The following THSD7A variants were observed in gnomAD, a reference collection of about 807,000 sequenced individuals.
THSD7A encodes thrombospondin type-1 domain-containing protein 7A.
A neutral mutation model predicts 231.3 loss-of-function variants in THSD7A; 96 were observed. The observed-to-expected ratio is 0.41, with a 90% CI of 0.35 to 0.49. THSD7A has a LOEUF of 0.49. THSD7A is among the 20% of genes least tolerant of loss of function. THSD7A has a pLI of 0.05. For synonymous variants in THSD7A, 940 were observed against 743.3 expected (o/e 1.26, Z -4.30); for missense variants, 2,290 against 2,070.2 (o/e 1.11, Z -2.06).
At chr7:11,574,912 T>A (rs937600495) in intron 4 of THSD7A, among the ~76,000 whole-genome samples, 3 of 152,162 alleles carry the variant, frequency 2.0e-5, no homozygotes, top group Non-Finnish European at 4.4e-5. Flanking sequence ...GGCTTACAAG[T>A]AGTAACCCTA....
chr7:11,419,301 T>A (rs974262254), intron 16 of THSD7A, among the ~76,000 whole-genome samples: 6 of 152,194 alleles, frequency 3.9e-5, no homozygotes, highest in Non-Finnish European at 7.3e-5. Flanking sequence ...CACTGGATCA[T>A]GGGGGCAGAT....
chr7:11,779,324 C>T (rs1783548229), intron 1 of THSD7A, among the ~76,000 whole-genome samples: 2 of 152,152 alleles, frequency 1.3e-5, no homozygotes, highest in Admixed American at 6.5e-5. Context: ...CTCTTCCTTT[C>T]ATTCACCTTA....
At position 11,371,765 on chromosome 7, in the gene THSD7A, G is replaced by A. The variant is rs955071119; in HGVS notation, c.*4029C>T. 2 of 122,902 alleles carry A rather than the reference G, an allele frequency of 1.6e-5. No individual in the cohort carries two copies. The highest frequency in any genetic ancestry group is 6.3e-5 in the African/African-American group (2 of 31,928). The allele number at this position is 122,902 out of a possible 1,614,324, so 7.6% of individuals were successfully genotyped here. On this transcript the variant is annotated 3_prime_UTR_variant, in exon 28 of 28. Coordinates refer to ENST00000423059, the MANE Select transcript of THSD7A (RefSeq NM_015204.3). ...GGGCTTTTTTTTTTTTTTTTTTCCT[G>A]CATGCCTTCCACATTTTTCCTTTTC...
intron 1 of THSD7A, among the ~76,000 whole-genome samples, chr7:11,701,919 AT>A: frequency 6.6e-6 from 1 of 151,066 alleles, no homozygotes; most frequent in Non-Finnish European, 1.5e-5. Context: ...TAGGACAGGA[AT>A]ATGCCTGAGC....
In THSD7A at chr7:11,424,689, G is replaced by C; in HGVS notation, c.3383+7C>G. On this transcript the variant is annotated splice_region_variant and intron_variant, in intron 16 of 27. Coordinates refer to ENST00000423059, the MANE Select transcript of THSD7A (RefSeq NM_015204.3). ...TTGCTTTTCTGTATAATTAGGCTTT[G>C]TCTTACCTCACTTTTCGGGTTTGCA... 5 of 1,613,882 alleles carry C rather than the reference G, an allele frequency of 3.1e-6. No individual in the cohort carries two copies. The highest frequency in any genetic ancestry group is 4.2e-6 in the Non-Finnish European group (5 of 1,179,830).
intron 1 of THSD7A, among the ~76,000 whole-genome samples, chr7:11,640,516 G>T (rs1782040140): frequency 6.6e-6 from 1 of 152,042 alleles, no homozygotes; most frequent in Non-Finnish European, 1.5e-5. Context: ...GTGTAACCTT[G>T]AGAACCTCTA....
intron 13 of THSD7A, among the ~76,000 whole-genome samples, chr7:11,433,367 G>C (rs906668563): frequency 4.0e-5 from 6 of 151,812 alleles, no homozygotes; most frequent in Non-Finnish European, 7.4e-5. Context: ...TCTTATTTTA[G>C]GGCCAGTAAT....
intron 13 of THSD7A, among the ~76,000 whole-genome samples, chr7:11,442,117 A>T (rs1331920074): frequency 1.3e-5 from 2 of 152,064 alleles, no homozygotes; most frequent in Non-Finnish European, 2.9e-5. Context: ...TTTATATATC[A>T]TTTGTGCAGT....
intron 1 of THSD7A, among the ~76,000 whole-genome samples, chr7:11,787,010 T>C (rs1783815004): frequency 6.6e-6 from 1 of 152,046 alleles, no homozygotes; most frequent in African/African-American, 2.4e-5. Flanking sequence ...TTACCAACAT[T>C]TAAGCATTAA....
At position 11,447,483 on chromosome 7, in the gene THSD7A, T is replaced by G. The variant is rs935809305; in HGVS notation, c.2606-59A>C. The G allele has an allele frequency of 2.2e-6, 3 of 1,374,316 alleles. No individual in the cohort carries two copies. In the African/African-American group the frequency reaches 4.5e-5, roughly 20 times the overall value. 85.1% of individuals were successfully genotyped at this position (1,374,316 alleles called of 1,614,324 possible). On this transcript the variant is annotated intron_variant, in intron 11 of 27. Transcript: ENST00000423059. ...TCAAACGTCTAATTACTCTATAATT[T>G]AGAAGCTAACCTAACATTTGGTTAA...
chr7:11,420,168 G>T (rs1784096763), intron 16 of THSD7A, among the ~76,000 whole-genome samples: 1 of 152,216 alleles, frequency 6.6e-6, no homozygotes, highest in Admixed American at 6.5e-5. Flanking sequence ...ATTTGCATAA[G>T]TAAAGAGGAG....
intron 8 of THSD7A, among the ~76,000 whole-genome samples, chr7:11,472,978 T>C (rs1785998583): frequency 2.6e-5 from 4 of 152,206 alleles, no homozygotes; most frequent in Admixed American, 2.6e-4. Context: ...CACTTTTGAA[T>C]TTTAATACAC....
At chr7:11,763,974 C>T (rs1782947756) in intron 1 of THSD7A, among the ~76,000 whole-genome samples, 1 of 152,184 alleles carries the variant, frequency 6.6e-6, no homozygotes. Flanking sequence ...AGAACTCAAA[C>T]TGTTTGATCA....
At chr7:11,673,389 C>G (rs572513140) in intron 1 of THSD7A, among the ~76,000 whole-genome samples, 18 of 152,164 alleles carry the variant, frequency 1.2e-4, no homozygotes, top group African/African-American at 4.3e-4. Context: ...GCAACTATAG[C>G]AAAACACAAC....
chr7:11,820,176 C>T (rs1223372048), intron 1 of THSD7A: 2 of 301,786 alleles, frequency 6.6e-6, no homozygotes, highest in Non-Finnish European at 6.2e-6. Flanking sequence ...ATGCCTCCCG[C>T]GGTAGTACAA....
chr7:11,501,193 C>G (rs544916972), intron 6 of THSD7A, among the ~76,000 whole-genome samples: 15 of 152,134 alleles, frequency 9.9e-5, no homozygotes, highest in Non-Finnish European at 1.8e-4. Flanking sequence ...GAGACTTCAA[C>G]ACTCCACTGA....
chr7:11,693,248 T>C (rs1780289290), intron 1 of THSD7A, among the ~76,000 whole-genome samples: 1 of 151,574 alleles, frequency 6.6e-6, no homozygotes, highest in Admixed American at 6.6e-5. Context: ...GACATACACA[T>C]TACTGTGAAA....
At chr7:11,692,058 A>C (rs1780249798) in intron 1 of THSD7A, among the ~76,000 whole-genome samples, 1 of 151,572 alleles carries the variant, frequency 6.6e-6, no homozygotes, top group Admixed American at 6.6e-5. Flanking sequence ...GCCAAACACC[A>C]TGTTAGTGTA....
intron 1 of THSD7A, among the ~76,000 whole-genome samples, chr7:11,691,232 C>T (rs1168105959): frequency 6.6e-6 from 1 of 151,486 alleles, no homozygotes; most frequent in African/African-American, 2.4e-5. Flanking sequence ...AAAAGATTCT[C>T]TTGTCATTCT....
Sources: gnomAD v4.1 joint callset for allele counts (sites outside exome capture counted in the v4.1 genomes callset) on GRCh38, gnomAD v4.1.1 for gene constraint, MANE v1.5 for transcripts, NCBI Gene and HGNC (gene_info 2026-07-23, HGNC 2026-07-21) for gene names.